Variants in ABCC10 observed in about 807,000 individuals in gnomAD.
ABCC10 encodes the protein ATP binding cassette subfamily C member 10.
A neutral mutation model predicts 143.2 loss-of-function variants in ABCC10; 110 were observed. That is an observed-to-expected ratio of 0.77 (90% CI 0.66 to 0.90). The LOEUF is 0.90. Ranked by LOEUF, ABCC10 falls within the 40% of genes least tolerant of loss-of-function variation. ABCC10 has a pLI of 0.00. For missense variants in ABCC10, 1,700 were observed against 1,900.5 expected (o/e 0.89, Z 1.96); for synonymous variants, 805 against 846.7 (o/e 0.95, Z 0.85).
intron 2 of ABCC10, among the ~76,000 whole-genome samples, chr6:43,431,473 G>A (rs1242036529): frequency 1.3e-5 from 2 of 152,140 alleles, no homozygotes; most frequent in East Asian, 3.9e-4. Flanking sequence ...CGATTCTCCT[G>A]CCTCAGCCTC....
Position 43,429,372 on chromosome 6 carries a change from T to TTTTGTGTGTG in ABCC10, c.161+1234_161+1235insTTGTGTGTGT, listed in dbSNP as rs1780869728. 3.0e-3 allele frequency among the ~76,000 whole-genome samples: 296 copies of TTTTGTGTGTG among 98,246 alleles called. 6 individuals carry two copies. The highest frequency in any genetic ancestry group is 0.014 in the African/African-American group (267 of 19,488). 64.5% of individuals were successfully genotyped at this position (98,246 alleles called of 152,430 possible). A position where few individuals can be genotyped will look rare whatever the true frequency, so the allele number is the denominator to read the frequency against. On this transcript the variant is annotated intron_variant, in intron 2 of 21. Coordinates refer to ENST00000372530, the MANE Select transcript of ABCC10 (RefSeq NM_001198934.2). ...TTCTTTTCTTTCTTTCTTTTCTTTC[T>TTTTGTGTGTG]TGTGTGTGTGTGTGTGTGTGTGTGT... is the stretch of plus-strand genomic sequence containing the variant.
rs538514830 is a variant in ABCC10, at chr6:43,443,529, C to T, written c.2416+370C>T. On this transcript the variant is annotated intron_variant, in intron 10 of 21. Coordinates refer to ENST00000372530, the MANE Select transcript of ABCC10 (RefSeq NM_001198934.2). This position sits in a 1 kb window ranked among gnomAD's most constrained non-coding sequence, Gnocchi z 4.2. ...TTATGCAGAGGGATGTGACCACCTG[C>T]AAGTTTACTGGGAGAGAAATAGGAG... 7.2e-6 allele frequency: 2 copies of T among 276,146 alleles called. No homozygotes were observed. The highest frequency in any genetic ancestry group is 6.8e-5 in the East Asian group (1 of 14,656). 17.1% of individuals were successfully genotyped at this position (276,146 alleles called of 1,614,324 possible). A position where few individuals can be genotyped will look rare whatever the true frequency, so the allele number is the denominator to read the frequency against.
chr6:43,429,588 C>T (rs1295425804), intron 2 of ABCC10, among the ~76,000 whole-genome samples: 2 of 152,106 alleles, frequency 1.3e-5, no homozygotes, highest in African/African-American at 4.8e-5. Flanking sequence ...CATGCCACCA[C>T]ACCTGGCTAA....
chr6:43,437,828 G>T, intron 6 of ABCC10, 106 bp from the exon 7 acceptor site: 1 of 1,047,802 alleles, frequency 9.5e-7, no homozygotes, highest in South Asian at 1.4e-5. Context: ...GAAGAAAAGA[G>T]AAGCCTCAGT....
Position 43,446,316 on chromosome 6 carries a change from G to A in ABCC10, c.3414G>A (p.Gln1138=). The change falls in exon 16 of 22, where the codon CAG becomes CAA. Residue 1138 remains glutamine, a synonymous_variant. Transcript: ENST00000372530. ...ACCTGCGACTCCTTGAGCTAAACCA[G>A]AGGTGCCAGTTTGCCACCAGTGCCA... ...EENLRLLELN[Q]RCQFATSATM... 1 of 1,614,000 alleles carries A rather than the reference G, an allele frequency of 6.2e-7. No individual in the cohort carries two copies. The highest frequency in any genetic ancestry group is 8.5e-7 in the Non-Finnish European group (1 of 1,179,964).
Position 43,432,961 on chromosome 6 carries a change from T to G in ABCC10, c.981T>G (p.Ala327=). The G allele has an allele frequency of 1.2e-6, 2 of 1,614,126 alleles. No homozygotes were observed. Among genetic ancestry groups the G allele is most frequent in the Non-Finnish European group, 1.7e-6 (2 of 1,180,016 alleles). Residue 327 remains alanine, a synonymous_variant, in exon 3 of 22, where the codon GCT becomes GCG. Coordinates refer to ENST00000372530, the MANE Select transcript of ABCC10 (RefSeq NM_001198934.2). Reference sequence around the variant, plus strand: ...CACTAAGCCACGGCCTGCTCTATGCTCTGGGGCTAGCCGGTGGGGCTGTGC... The same window carrying G: ...CACTAAGCCACGGCCTGCTCTATGCGCTGGGGCTAGCCGGTGGGGCTGTGC... The part of the protein sequence containing the change: ...QEPLSHGLLY[A]LGLAGGAVLG...
At chr6:43,437,313 G>C (rs1781830702) in intron 6 of ABCC10, among the ~76,000 whole-genome samples, 1 of 151,948 alleles carries the variant, frequency 6.6e-6, no homozygotes, top group Non-Finnish European at 1.5e-5. Flanking sequence ...CTGGCTGGCA[G>C]GGTTGGGGCA....
chr6:43,432,198 C>T lies in ABCC10; in HGVS notation c.218C>T (p.Ser73Phe). 6.2e-7 allele frequency: 1 copy of T among 1,614,244 alleles called. No individual in the cohort carries two copies. Among genetic ancestry groups the T allele is most frequent in the Non-Finnish European group, 8.5e-7 (1 of 1,180,042 alleles). Residue 73 changes from serine (S) to phenylalanine (F), a missense_variant, in exon 3 of 22, where the codon TCC becomes TTC. By Grantham distance (155) the Ser-to-Phe change is radical (BLOSUM62 -2). Transcript: ENST00000372530. ...GGATGGCGCCTCCGACTTGCAGCTT[C>T]CTTCCTGCTTTCCGTCTTCCCGCTG... ...SPGWRLRLAA[S>F]FLLSVFPLLD...
intron 21 of ABCC10, 82 bp from the exon 22 acceptor site, chr6:43,449,847 G>A: frequency 1.3e-6 from 2 of 1,505,806 alleles, no homozygotes; most frequent in African/African-American, 1.4e-5. Flanking sequence ...GTGTCCCGAG[G>A]GGAGAGGAGG....
rs1581802336 is a variant in ABCC10, at chr6:43,449,663, T to C, written c.4316+129T>C. The C allele has an allele frequency of 7.1e-6, 6 of 839,602 alleles. No individual in the cohort carries two copies. The East Asian group carries it at 1.3e-4, about 19-fold the overall frequency. The allele number at this position is 839,602 out of a possible 1,614,324, so 52.0% of individuals were successfully genotyped here. A position where few individuals can be genotyped will look rare whatever the true frequency, so the allele number is the denominator to read the frequency against. ...GCCCCCCCAGATCTCAGCTCCTCCT[T>C]CTCCAGGGACGAGAAGGGTCCTTTA... is the stretch of plus-strand genomic sequence containing the variant. On this transcript the variant is annotated intron_variant, in intron 21 of 21. Transcript: ENST00000372530.
chr6:43,441,486 A>G (rs1036466604), intron 8 of ABCC10, among the ~76,000 whole-genome samples: 14 of 152,134 alleles, frequency 9.2e-5, no homozygotes, highest in South Asian at 4.1e-4. Flanking sequence ...AAAAAAAAAA[A>G]GGGTAGTAAA....
chr6:43,439,881 C>G (rs528357943), intron 8 of ABCC10, among the ~76,000 whole-genome samples: 223 of 152,102 alleles, frequency 1.5e-3, no homozygotes, highest in Non-Finnish European at 2.4e-3. Context: ...CGCGCCTGGC[C>G]TACTACCCTG....
At chr6:43,450,971 A>C (rs1441924551), downstream of ABCC10, 1 of 1,614,108 alleles carries the variant, frequency 6.2e-7, no homozygotes, top group Non-Finnish European at 8.5e-7. This position sits in a 1 kb window ranked among gnomAD's most constrained non-coding sequence, Gnocchi z 4.5. Flanking sequence ...CACCATAGCC[A>C]CTGGGGCAGA....
chr6:43,444,221 A>C lies in ABCC10; in HGVS notation c.2557A>C (p.Thr853Pro), dbSNP rs1027582914. 6 of 1,614,054 alleles carry C rather than the reference A, an allele frequency of 3.7e-6. No homozygotes were observed. The highest frequency in any genetic ancestry group is 5.1e-6 in the Non-Finnish European group (6 of 1,180,018). Reference protein sequence around the residue: ...TKEGLEEEQSTSGRLLQEESK... With the variant: ...TKEGLEEEQSPSGRLLQEESK... Reference sequence around the variant, plus strand: ...GGAGGGGCTGGAGGAGGAGCAGAGCACATCTGGTCGCCTGCTGCAGGAAGA... The same window carrying C: ...GGAGGGGCTGGAGGAGGAGCAGAGCCCATCTGGTCGCCTGCTGCAGGAAGA... Residue 853 changes from threonine to proline, a missense_variant, in exon 12 of 22, where the codon ACA (threonine) becomes CCA (proline). Coordinates refer to ENST00000372530, the MANE Select transcript of ABCC10 (RefSeq NM_001198934.2).
rs1368364338 is a variant in ABCC10 at position 43,437,807 on chromosome 6, CACTAA to C, written c.1876-125_1876-121del. On this transcript the variant is annotated intron_variant, in intron 6 of 21. Coordinates refer to ENST00000372530, the MANE Select transcript of ABCC10 (RefSeq NM_001198934.2). ...TGAAGCGGAGAATTCTTTCCCTACACACTAAAGAAAGAAGAAAAGAGAAGCCTCAG... is the reference window on the plus strand; with the variant it reads ...TGAAGCGGAGAATTCTTTCCCTACACAGAAAGAAGAAAAGAGAAGCCTCAG... 8.4e-5 allele frequency: 73 copies of C among 865,764 alleles called. No individual in the cohort carries two copies. In the African/African-American group the frequency reaches 9.6e-4, roughly 11 times the overall value. 53.6% of individuals were successfully genotyped at this position (865,764 alleles called of 1,614,324 possible). A position where few individuals can be genotyped will look rare whatever the true frequency, so the allele number is the denominator to read the frequency against.
intron 12 of ABCC10, 30 bp downstream of exon 12, chr6:43,444,383 C>A (rs567683160): frequency 5.1e-6 from 8 of 1,569,162 alleles, no homozygotes; most frequent in South Asian, 1.2e-5. Context: ...TCTCTTACAT[C>A]GTAACGGCTG....
At chr6:43,435,968 GGTGC>G in intron 5 of ABCC10, 61 bp downstream of exon 5, 1 of 1,608,660 alleles carries the variant, frequency 6.2e-7, no homozygotes, top group East Asian at 2.2e-5. Flanking sequence ...GAGCCACTTG[GGTGC>G]TGCGCATAGA....
intron 11 of ABCC10, 37 bp from the exon 12 acceptor site, chr6:43,444,122 G>A (rs747282036): frequency 6.2e-7 from 1 of 1,611,152 alleles, no homozygotes; most frequent in Non-Finnish European, 8.5e-7. Flanking sequence ...CTGGCACCCT[G>A]CAAGCTTAAT....
chr6:43,429,083 A>C (rs1165951537), intron 2 of ABCC10, among the ~76,000 whole-genome samples: 3 of 152,198 alleles, frequency 2.0e-5, no homozygotes. Context: ...GCTTCACTTC[A>C]CTTATCAGCC....
Sources: allele counts gnomAD v4.1 joint callset (sites outside exome capture counted in the v4.1 genomes callset), GRCh38; gene constraint gnomAD v4.1.1; non-coding constraint Gnocchi (gnomAD v3.1); transcripts MANE v1.5; gene names NCBI Gene and HGNC (gene_info 2026-07-23, HGNC 2026-07-21).